PTP4A1: variants seen among roughly 807,000 people sequenced by gnomAD.
PTP4A1 encodes the protein protein tyrosine phosphatase 4A1, also known as protein tyrosine phosphatase type IVA 1.
A neutral mutation model predicts 20.5 loss-of-function variants in PTP4A1; 9 were observed. The observed-to-expected ratio is 0.44, with a 90% CI of 0.26 to 0.77. The LOEUF (loss-of-function observed/expected upper bound fraction) is 0.77, where lower values mean the gene tolerates loss of function less well. Among genes scored for constraint, PTP4A1 ranks in the 30% least tolerant of loss-of-function variants. The pLI is 0.19. For synonymous variants in PTP4A1, 78 were observed against 67.4 expected (o/e 1.16, Z -0.77); for missense variants, 137 against 218.8 (o/e 0.63, Z 2.36).
chr6:63,559,846 C>T (rs760187193), intron 3 of PTP4A1, among the ~76,000 whole-genome samples: 19 of 152,218 alleles, frequency 1.2e-4, no homozygotes, highest in African/African-American at 4.1e-4. Context: ...AGGCTGGTTT[C>T]GAACTCCTGG....
intron 2 of PTP4A1, among the ~76,000 whole-genome samples, chr6:63,540,348 CA>C (rs1775905122): frequency 6.6e-6 from 1 of 152,108 alleles, no homozygotes; most frequent in Non-Finnish European, 1.5e-5. Flanking sequence ...AATCCAGGCA[CA>C]ATGGGTCACA....
intron 2 of PTP4A1, among the ~76,000 whole-genome samples, chr6:63,547,714 T>TGC (rs1295444437): frequency 2.0e-5 from 3 of 150,298 alleles, no homozygotes; most frequent in African/African-American, 7.4e-5. Flanking sequence ...GGTTTCACCA[T>TGC]GTTAGCCAGG....
Position 63,547,932 on chromosome 6 carries a change from A to G in PTP4A1, c.-639-2368A>G, listed in dbSNP as rs1306520029. Among the ~76,000 whole-genome samples the G allele has an allele frequency of 3.3e-5, 5 of 152,174 alleles. No homozygotes were observed. In the East Asian group the frequency reaches 9.6e-4, roughly 29 times the overall value. On this transcript the variant is annotated intron_variant, in intron 2 of 3. Coordinates refer to the PTP4A1 transcript ENST00000639568. ...TTGATTTAAGGCTTTCTTGCTTAAA[A>G]CCCTTAAAGTTCCCCATTATCTCAC...
At chr6:63,537,520 G>C (rs1015271064) in intron 2 of PTP4A1, among the ~76,000 whole-genome samples, 3 of 152,190 alleles carry the variant, frequency 2.0e-5, no homozygotes, top group African/African-American at 7.2e-5. Flanking sequence ...CATTGCCTTA[G>C]AGCGTACCTT....
chr6:63,542,396 C>T (rs956464059), intron 2 of PTP4A1, among the ~76,000 whole-genome samples: 2 of 151,968 alleles, frequency 1.3e-5, no homozygotes, highest in Non-Finnish European at 2.9e-5. Context: ...TGTAACCAAA[C>T]ACCACCTGTT....
chr6:63,568,703 G>C (rs182887667), upstream of PTP4A1, among the ~76,000 whole-genome samples: 2 of 151,606 alleles, frequency 1.3e-5, no homozygotes, highest in African/African-American at 4.8e-5. Flanking sequence ...ATGAAGGTAT[G>C]CCTGTATACT....
At chr6:63,549,352 C>T (rs1421868831) in intron 2 of PTP4A1, 2 of 754,160 alleles carry the variant, frequency 2.7e-6, no homozygotes, top group Non-Finnish European at 4.8e-6. Context: ...TTTCACAAAG[C>T]TGGTTAGGTC....
chr6:63,546,296 A>G (rs975741980), intron 2 of PTP4A1, among the ~76,000 whole-genome samples: 1 of 152,240 alleles, frequency 6.6e-6, no homozygotes, highest in African/African-American at 2.4e-5. Flanking sequence ...AGAAAGACAC[A>G]TACTCTATGA....
At chr6:63,554,872 T>G (rs892402624) in intron 3 of PTP4A1, among the ~76,000 whole-genome samples, 8 of 152,202 alleles carry the variant, frequency 5.3e-5, no homozygotes, top group African/African-American at 4.8e-5. Flanking sequence ...TATTTATGTT[T>G]GTATATCCAC....
chr6:63,554,300 C>G (rs1177682021), intron 3 of PTP4A1, among the ~76,000 whole-genome samples: 1 of 152,170 alleles, frequency 6.6e-6, no homozygotes, highest in Non-Finnish European at 1.5e-5. Flanking sequence ...GAAAAGCATT[C>G]TATTCATGTT....
At chr6:63,539,166 T>A (rs979404252) in intron 2 of PTP4A1, among the ~76,000 whole-genome samples, 3 of 152,188 alleles carry the variant, frequency 2.0e-5, no homozygotes, top group Non-Finnish European at 4.4e-5. Flanking sequence ...AGTACTGGGA[T>A]TACAGTCATG....
At chr6:63,575,129 G>A (rs1777770438) in intron 1 of PTP4A1, among the ~76,000 whole-genome samples, 1 of 152,144 alleles carries the variant, frequency 6.6e-6, no homozygotes, top group South Asian at 2.1e-4. Context: ...ACTATAACTA[G>A]CATGGGACTA....
chr6:63,556,691 A>G (rs917409812), intron 3 of PTP4A1, among the ~76,000 whole-genome samples: 1 of 152,188 alleles, frequency 6.6e-6, no homozygotes, highest in African/African-American at 2.4e-5. Flanking sequence ...CTACATCAAT[A>G]ATTTATTCCT....
intron 3 of PTP4A1, among the ~76,000 whole-genome samples, chr6:63,562,112 GTTTA>G (rs1440669571): frequency 7.3e-5 from 11 of 150,344 alleles, no homozygotes; most frequent in East Asian, 5.9e-4. Flanking sequence ...TAACATTTTA[GTTTA>G]TTTCTTTCTA....
At chr6:63,539,373 G>A (rs1416359680) in intron 2 of PTP4A1, among the ~76,000 whole-genome samples, 1 of 152,080 alleles carries the variant, frequency 6.6e-6, no homozygotes, top group African/African-American at 2.4e-5. Context: ...CTCCCTCCAG[G>A]ATTCCATCCC....
chr6:63,570,534 G>A (rs1353779357), upstream of PTP4A1, among the ~76,000 whole-genome samples: 1 of 152,190 alleles, frequency 6.6e-6, no homozygotes, highest in East Asian at 1.9e-4. Context: ...ACTGCTTGTG[G>A]TAATTACAGG....
At chr6:63,566,239 C>G (rs567176831) in intron 3 of PTP4A1, among the ~76,000 whole-genome samples, 1 of 152,320 alleles carries the variant, frequency 6.6e-6, no homozygotes, top group East Asian at 1.9e-4. Context: ...CCAGAGTGAT[C>G]AGTCCAAAAC....
intron 2 of PTP4A1, among the ~76,000 whole-genome samples, chr6:63,531,400 G>GC (rs1554197784): frequency 2.0e-5 from 3 of 151,038 alleles, no homozygotes; most frequent in African/African-American, 7.3e-5. Flanking sequence ...TATTTGGAAA[G>GC]AAAAAACATA....
chr6:63,534,676 G>A (rs1244291902), intron 2 of PTP4A1, among the ~76,000 whole-genome samples: 1 of 151,728 alleles, frequency 6.6e-6, no homozygotes, highest in Admixed American at 6.6e-5. Flanking sequence ...CACCAGGCAC[G>A]GTGGCTCATG....
Sources: allele counts gnomAD v4.1 joint callset (sites outside exome capture counted in the v4.1 genomes callset), GRCh38; gene constraint gnomAD v4.1.1; transcripts MANE v1.5; gene names NCBI Gene and HGNC (gene_info 2026-07-23, HGNC 2026-07-21).